The following SPPL3 variants were observed in gnomAD, a reference collection of about 807,000 sequenced individuals.
SPPL3 encodes signal peptide peptidase-like 3.
SPPL3 carries 5 observed loss-of-function variants against 42.4 expected under a neutral mutation model. That is an observed-to-expected ratio of 0.12 (90% CI 0.06 to 0.25). The LOEUF (loss-of-function observed/expected upper bound fraction) is 0.25, where lower values mean the gene tolerates loss of function less well. Ranked by LOEUF, SPPL3 falls within the 10% of genes least tolerant of loss-of-function variation. The probability of loss-of-function intolerance (pLI) is 1.00; values close to 1 mark genes in which losing one functional copy is unlikely to be tolerated. For missense variants in SPPL3, 235 were observed against 489.0 expected (o/e 0.48, Z 4.90); for synonymous variants, 195 against 181.8 (o/e 1.07, Z -0.58).
intron 10 of SPPL3, 34 bp from the exon 11 acceptor site, chr12:120,765,104 T>A: frequency 6.2e-7 from 1 of 1,607,998 alleles, no homozygotes; most frequent in Non-Finnish European, 8.5e-7. Flanking sequence ...GTTACAGATT[T>A]AAACATGAGG....
At chr12:120,886,625 C>T (rs1160575597) in intron 1 of SPPL3, among the ~76,000 whole-genome samples, 1 of 152,150 alleles carries the variant, frequency 6.6e-6, no homozygotes. Flanking sequence ...TAACTGCTCG[C>T]AACCAAAAAT....
intron 3 of SPPL3, among the ~76,000 whole-genome samples, chr12:120,788,370 GTAA>G (rs1869793695): frequency 6.6e-6 from 1 of 152,086 alleles, no homozygotes; most frequent in South Asian, 2.1e-4. Flanking sequence ...ATAATCTGAA[GTAA>G]TAATTACCCA....
At chr12:120,833,491 T>C (rs148209060) in intron 1 of SPPL3, among the ~76,000 whole-genome samples, 1 of 151,928 alleles carries the variant, frequency 6.6e-6, no homozygotes, top group Non-Finnish European at 1.5e-5. Context: ...AAGAGACATG[T>C]AGGAATGAAG....
chr12:120,869,883 A>G (rs1341294944), intron 1 of SPPL3, among the ~76,000 whole-genome samples: 1 of 152,210 alleles, frequency 6.6e-6, no homozygotes, highest in Non-Finnish European at 1.5e-5. Context: ...ATGATTTCAA[A>G]TACACAGCTG....
chr12:120,823,222 TGGGGGGGC>T (rs1871124758), intron 1 of SPPL3, among the ~76,000 whole-genome samples: 1 of 106,396 alleles, frequency 9.4e-6, no homozygotes, highest in Admixed American at 9.5e-5. Context: ...GGGTGGGGGG[TGGGGGGGC>T]GGCGGCGGTG....
intron 2 of SPPL3, among the ~76,000 whole-genome samples, chr12:120,799,140 C>T (rs867048328): frequency 3.3e-5 from 5 of 152,102 alleles, no homozygotes; most frequent in African/African-American, 4.8e-5. Flanking sequence ...GTTCAAAATG[C>T]GTTTAATATT....
rs144272664 is a variant in SPPL3, at chr12:120,764,318, T to TGTTTA, written c.*680_*681insTAAAC. 788 of 152,056 alleles carry TGTTTA rather than the reference T, an allele frequency of 5.2e-3. 38 individuals are homozygous for TGTTTA. In the East Asian group the frequency reaches 0.1, roughly 20 times the overall value. 9.4% of individuals were successfully genotyped at this position (152,056 alleles called of 1,614,324 possible). On this transcript the variant is annotated 3_prime_UTR_variant, in exon 11 of 11. Coordinates refer to ENST00000353487, the MANE Select transcript of SPPL3 (RefSeq NM_139015.5). Reference sequence around the variant, plus strand: ...TATTCATATATATCTATGTGTGTGTTTATATATATATATGTACGTATGTAT... The same window carrying TGTTTA: ...TATTCATATATATCTATGTGTGTGTTGTTTATATATATATATATGTACGTATGTAT...
chr12:120,862,031 A>C (rs1248781589), intron 1 of SPPL3, among the ~76,000 whole-genome samples: 1 of 152,212 alleles, frequency 6.6e-6, no homozygotes, highest in Non-Finnish European at 1.5e-5. Context: ...AGTACTACAG[A>C]AAATAATGTC....
rs1418513005 is a variant in SPPL3, at chr12:120,764,925, C to CTCTAAG, written c.*68_*73dup. ...GGTACATTTCTGAGTACCAGGCCAG[C>CTCTAAG]TCTAAGAGGAAACAAACCATGAGTT... On this transcript the variant is annotated 3_prime_UTR_variant, in exon 11 of 11. Coordinates refer to ENST00000353487, the MANE Select transcript of SPPL3 (RefSeq NM_139015.5). 1.6e-5 allele frequency: 24 copies of CTCTAAG among 1,522,550 alleles called. No homozygotes were observed. In the African/African-American group the frequency reaches 3.2e-4, roughly 20 times the overall value. The allele number at this position is 1,522,550 out of a possible 1,614,324, so 94.3% of individuals were successfully genotyped here. A position where few individuals can be genotyped will look rare whatever the true frequency, so the allele number is the denominator to read the frequency against.
chr12:120,790,615 G>A (rs1478505096), intron 3 of SPPL3, among the ~76,000 whole-genome samples: 2 of 152,154 alleles, frequency 1.3e-5, no homozygotes, highest in African/African-American at 2.4e-5. Flanking sequence ...CTCTTGTAAA[G>A]AAACCTTATC....
chr12:120,891,717 AAG>A (rs1371090394), intron 1 of SPPL3, among the ~76,000 whole-genome samples: 1 of 138,838 alleles, frequency 7.2e-6, no homozygotes, highest in African/African-American at 2.6e-5. Context: ...TTTTTTCCCT[AAG>A]ACTGTTTTGC....
intron 4 of SPPL3, 62 bp downstream of exon 4, chr12:120,784,412 T>C: frequency 6.8e-7 from 1 of 1,466,016 alleles, no homozygotes; most frequent in Non-Finnish European, 9.1e-7. Flanking sequence ...TTTTGAACAA[T>C]GATAAAGGTG....
chr12:120,813,881 C>T (rs139859658), intron 1 of SPPL3, among the ~76,000 whole-genome samples: 20 of 152,256 alleles, frequency 1.3e-4, no homozygotes, highest in African/African-American at 4.8e-4. Flanking sequence ...CTTTCTTTTG[C>T]TTCTGCAAAA....
chr12:120,814,167 C>G (rs1870788177), intron 1 of SPPL3, among the ~76,000 whole-genome samples: 1 of 152,178 alleles, frequency 6.6e-6, no homozygotes, highest in South Asian at 2.1e-4. Context: ...TCCCCCCACA[C>G]CAGGCTTTGA....
chr12:120,801,364 C>T (rs1870287659), intron 2 of SPPL3, among the ~76,000 whole-genome samples: 1 of 152,186 alleles, frequency 6.6e-6, no homozygotes, highest in African/African-American at 2.4e-5. Context: ...TCTTGCCACA[C>T]TCCAAGCCCT....
intron 6 of SPPL3, among the ~76,000 whole-genome samples, chr12:120,776,058 G>A (rs990417126): frequency 5.9e-5 from 9 of 152,168 alleles, no homozygotes; most frequent in Non-Finnish European, 1.0e-4. Flanking sequence ...CAGAAAACAA[G>A]TCAAACACTA....
chr12:120,784,481 A>G lies in SPPL3; in HGVS notation c.303T>C (p.Cys101=). 1 of 1,608,660 alleles carries G rather than the reference A, an allele frequency of 6.2e-7. No homozygotes were observed. The highest frequency in any genetic ancestry group is 8.5e-7 in the Non-Finnish European group (1 of 1,177,716). The stretch of plus-strand genomic sequence containing the variant: ...AGAGAAACTCATATTTACCTGCTGT[A>G]CATATTGTAAAAACTACTTGAACTG... ...FDSVQVVFTI[C]TAVLATIAFA... The change falls in exon 4 of 11, where the codon TGT becomes TGC. Residue 101 remains cysteine, a synonymous_variant. Transcript: ENST00000353487.
intron 1 of SPPL3, among the ~76,000 whole-genome samples, chr12:120,848,571 T>C (rs1872122140): frequency 6.6e-6 from 1 of 152,226 alleles, no homozygotes; most frequent in Non-Finnish European, 1.5e-5. Context: ...ATCTAACAAG[T>C]ATTATTTTAG....
intron 6 of SPPL3, among the ~76,000 whole-genome samples, chr12:120,781,945 A>C (rs1869561226): frequency 1.3e-5 from 2 of 151,128 alleles, no homozygotes; most frequent in Admixed American, 1.3e-4. Flanking sequence ...TAGCATGATC[A>C]TAGCTCTCTG....
Sources: gnomAD v4.1 joint callset for allele counts (sites outside exome capture counted in the v4.1 genomes callset) on GRCh38, gnomAD v4.1.1 for gene constraint, MANE v1.5 for transcripts, NCBI Gene and HGNC (gene_info 2026-07-23, HGNC 2026-07-21) for gene names.